Variants in ABTB2 observed in about 807,000 individuals in gnomAD.
The protein encoded by ABTB2 is ankyrin repeat and BTB domain containing 2.
In ABTB2, 56 loss-of-function variants were observed where a neutral mutation model predicts 104.1. The ratio of observed to expected loss-of-function variants is 0.54; its 90% confidence interval spans 0.43 to 0.67. ABTB2 has a LOEUF of 0.67. Among genes scored for constraint, ABTB2 ranks in the 30% least tolerant of loss-of-function variants. The pLI is 0.00. For missense variants in ABTB2, 1,279 were observed against 1,407.7 expected (o/e 0.91, Z 1.46); for synonymous variants, 606 against 608.2 (o/e 1.00, Z 0.05).
chr11:34,162,583 C>G lies in ABTB2; in HGVS notation c.2211G>C (p.Arg737Ser), dbSNP rs1852737229. ...ATGCCCGTGAGGCCTCACCCAGTGC[C>G]CTCAGCTCCATGGTGATGTCCACGT... ...HGYVDITMEL[R>S]ALGVPWKLHI... is the part of the protein sequence containing the mutation. The change falls in exon 10 of 17, where the codon AGG (arginine) becomes AGC (serine). Residue 737 changes from arginine to serine, a missense_variant. Physicochemically the swap from Arg to Ser is moderately radical, Grantham distance 110 (BLOSUM62 -1). Coordinates refer to ENST00000435224, the MANE Select transcript of ABTB2 (RefSeq NM_145804.3). 6.2e-6 allele frequency: 10 copies of G among 1,613,374 alleles called. No individual in the cohort carries two copies. Among genetic ancestry groups the G allele is most frequent in the Non-Finnish European group, 8.5e-6 (10 of 1,179,922 alleles).
chr11:34,155,706 G>A (rs1012091768), intron 14 of ABTB2, among the ~76,000 whole-genome samples: 6 of 152,114 alleles, frequency 3.9e-5, no homozygotes, highest in African/African-American at 1.2e-4. Context: ...TGCCAGCCTT[G>A]TTCAGGCATC....
Position 34,338,995 on chromosome 11 carries a change from G to A in ABTB2, c.883+17706C>T, listed in dbSNP as rs2133121917. On this transcript the variant is annotated intron_variant, in intron 1 of 16. Transcript: ENST00000435224. ...TCTGCAGGATACTGTGTGGCTCAAA[G>A]GAGAAAATGCAGGTAAAACATTGTA... Among the ~76,000 whole-genome samples, 3 of 152,260 alleles carry A rather than the reference G, an allele frequency of 2.0e-5. No individual in the cohort carries two copies. The Middle Eastern group carries it at 0.01, about 518-fold the overall frequency.
At chr11:34,205,219 G>A (rs1465090648) in intron 1 of ABTB2, among the ~76,000 whole-genome samples, 1 of 152,190 alleles carries the variant, frequency 6.6e-6, no homozygotes, top group Non-Finnish European at 1.5e-5. Flanking sequence ...GGGCAGTGCC[G>A]CCCTGAGTCC....
At chr11:34,286,834 A>G (rs1252163871) in intron 1 of ABTB2, among the ~76,000 whole-genome samples, 1 of 152,250 alleles carries the variant, frequency 6.6e-6, no homozygotes, top group African/African-American at 2.4e-5. Flanking sequence ...GCTGAGTAAA[A>G]GAAACCAGCC....
In ABTB2 at chr11:34,328,540, C is replaced by T. The variant is rs528751280; in HGVS notation, c.883+28161G>A. ...GACAACGTATGCAAAATTCTTAGCA[C>T]TGTACCTGAGCTAGTAACTGCTGAA... On this transcript the variant is annotated intron_variant, in intron 1 of 16. Coordinates refer to ENST00000435224, the MANE Select transcript of ABTB2 (RefSeq NM_145804.3). Among the ~76,000 whole-genome samples the T allele has an allele frequency of 4.6e-5, 7 of 152,346 alleles. No homozygotes were observed. In the South Asian group the frequency reaches 6.2e-4, roughly 14 times the overall value.
At chr11:34,293,222 GA>G (rs1854583283) in intron 1 of ABTB2, among the ~76,000 whole-genome samples, 1 of 152,232 alleles carries the variant, frequency 6.6e-6, no homozygotes, top group African/African-American at 2.4e-5. Context: ...TACTGATGTC[GA>G]GGGGGGGCCC....
intron 1 of ABTB2, among the ~76,000 whole-genome samples, chr11:34,310,054 C>T (rs1854830915): frequency 6.6e-6 from 1 of 152,138 alleles, no homozygotes; most frequent in African/African-American, 2.4e-5. Flanking sequence ...GTGATAGTAA[C>T]TTCTATTACA....
chr11:34,325,748 C>T (rs771612450), intron 1 of ABTB2, among the ~76,000 whole-genome samples: 15 of 152,012 alleles, frequency 9.9e-5, no homozygotes, highest in Non-Finnish European at 2.1e-4. Flanking sequence ...GCCAGGAGTT[C>T]GAGACCAGCC....
At chr11:34,233,756 AT>A (rs1453322052) in intron 1 of ABTB2, among the ~76,000 whole-genome samples, 8 of 152,068 alleles carry the variant, frequency 5.3e-5, no homozygotes. Flanking sequence ...GATAACTATT[AT>A]TAATATATTA....
chr11:34,172,396 ATAT>A (rs1453449494), intron 4 of ABTB2, among the ~76,000 whole-genome samples: 43 of 22,916 alleles, frequency 1.9e-3, no homozygotes, highest in Middle Eastern at 0.024. Flanking sequence ...AAAAAAAAAA[ATAT>A]ATATATATAT....
chr11:34,164,543 T>G, intron 9 of ABTB2, 143 bp downstream of exon 9: 1 of 1,020,460 alleles, frequency 9.8e-7, no homozygotes, highest in African/African-American at 1.7e-5. Context: ...TCCCCCATGT[T>G]TCTGGTTTAC....
At position 34,338,269 on chromosome 11, in the gene ABTB2, T is replaced by A. The variant is rs544839042; in HGVS notation, c.883+18432A>T. Among the ~76,000 whole-genome samples, 32 of 151,284 alleles carry A rather than the reference T, an allele frequency of 2.1e-4. No individual in the cohort carries two copies. The South Asian group carries it at 6.3e-3, about 30-fold the overall frequency. On this transcript the variant is annotated intron_variant, in intron 1 of 16. Coordinates refer to ENST00000435224, the MANE Select transcript of ABTB2 (RefSeq NM_145804.3). ...GGTGGCGCATGCCTGTAATCCCAGC[T>A]ACTTAGGAGGCTGAGGGAGGAGAAT...
intron 3 of ABTB2, among the ~76,000 whole-genome samples, chr11:34,179,457 CGCTGGCACAGA>C (rs1852998931): frequency 6.6e-6 from 1 of 152,144 alleles, no homozygotes; most frequent in Non-Finnish European, 1.5e-5. Context: ...TGGCAGGCGG[CGCTGGCACAGA>C]GCTGGCATTT....
At chr11:34,224,605 C>A (rs563531868) in intron 1 of ABTB2, among the ~76,000 whole-genome samples, 1 of 152,170 alleles carries the variant, frequency 6.6e-6, no homozygotes, top group African/African-American at 2.4e-5. Context: ...GTGGACCCAA[C>A]CTTGCAGGGT....
At chr11:34,355,642 C>A (rs897316762) in intron 1 of ABTB2, among the ~76,000 whole-genome samples, 2 of 152,196 alleles carry the variant, frequency 1.3e-5, no homozygotes, top group African/African-American at 4.8e-5. Context: ...TCTTCCACTG[C>A]CTGCTTATTT....
intron 1 of ABTB2, among the ~76,000 whole-genome samples, chr11:34,351,603 G>A (rs559857893): frequency 1.5e-4 from 22 of 151,584 alleles, no homozygotes; most frequent in African/African-American, 9.8e-5. Context: ...AAATGGGGAC[G>A]GTTCTGATAT....
At chr11:34,312,548 G>A (rs181874673) in intron 1 of ABTB2, among the ~76,000 whole-genome samples, 6 of 152,286 alleles carry the variant, frequency 3.9e-5, no homozygotes, top group Non-Finnish European at 5.9e-5. Flanking sequence ...AGCATTCAGC[G>A]CTTTATTATT....
chr11:34,336,927 A>G (rs1418873656), intron 1 of ABTB2, among the ~76,000 whole-genome samples: 1 of 152,192 alleles, frequency 6.6e-6, no homozygotes, highest in Non-Finnish European at 1.5e-5. Context: ...CAACTATCAT[A>G]TGAGGGAAAC....
chr11:34,239,167 C>A (rs1043169083), intron 1 of ABTB2, among the ~76,000 whole-genome samples: 4 of 152,120 alleles, frequency 2.6e-5, no homozygotes, highest in Admixed American at 2.6e-4. Context: ...GGGACGACAA[C>A]ACCTGATAAG....
Sources: allele counts gnomAD v4.1 joint callset (sites outside exome capture counted in the v4.1 genomes callset), GRCh38; gene constraint gnomAD v4.1.1; transcripts MANE v1.5; gene names NCBI Gene and HGNC (gene_info 2026-07-23, HGNC 2026-07-21).